Variants in FGF18 observed in about 807,000 individuals in gnomAD.
FGF18 encodes the protein fibroblast growth factor 18.
In FGF18, 5 loss-of-function variants were observed where a neutral mutation model predicts 23.0. The ratio of observed to expected loss-of-function variants is 0.22; its 90% confidence interval spans 0.11 to 0.46. FGF18 has a LOEUF of 0.46. FGF18 is among the 20% of genes least tolerant of loss of function. The probability of loss-of-function intolerance (pLI) is 0.99; values close to 1 mark genes in which losing one functional copy is unlikely to be tolerated. For synonymous variants in FGF18, 117 were observed against 118.9 expected (o/e 0.98, Z 0.10); for missense variants, 180 against 291.6 (o/e 0.62, Z 2.79).
chr5:171,440,825 C>T lies in FGF18; in HGVS notation c.250+4552C>T, dbSNP rs139752165. Among the ~76,000 whole-genome samples, 35 of 152,276 alleles carry T rather than the reference C, an allele frequency of 2.3e-4. No individual in the cohort carries two copies. The highest frequency in any genetic ancestry group is 7.0e-4 in the African/African-American group (29 of 41,562). ...CTGAGCCCCCAGGCTGGGTACAGAG[C>T]CCCAGAGCCCCTGTGCTTGCCCTTG... On this transcript the variant is annotated intron_variant, in intron 3 of 4. Transcript: ENST00000274625. The surrounding 1 kb of genome is among the most constrained non-coding windows in gnomAD (Gnocchi z 4.0).
chr5:171,428,924 G>T (rs945485370), intron 2 of FGF18, among the ~76,000 whole-genome samples: 1 of 152,168 alleles, frequency 6.6e-6, no homozygotes, highest in Admixed American at 6.5e-5. Flanking sequence ...GAGGGAGGCC[G>T]ACCCTCGGGC....
At chr5:171,437,796 T>C (rs1772274179) in intron 3 of FGF18, among the ~76,000 whole-genome samples, 1 of 152,174 alleles carries the variant, frequency 6.6e-6, no homozygotes, top group Non-Finnish European at 1.5e-5. Flanking sequence ...GGTGCCCTTC[T>C]GGGGAGTCCC....
chr5:171,420,355 T>C, intron 1 of FGF18, 52 bp from the exon 2 acceptor site: 2 of 1,610,394 alleles, frequency 1.2e-6, no homozygotes. Context: ...TGTCTGTCCG[T>C]GCGCCCCCTT....
At chr5:171,446,334 G>A (rs901301798) in intron 3 of FGF18, among the ~76,000 whole-genome samples, 6 of 152,168 alleles carry the variant, frequency 3.9e-5, no homozygotes, top group Non-Finnish European at 5.9e-5. Flanking sequence ...TGAGGGGTGG[G>A]GGTTGTGCTG....
chr5:171,420,143 C>T lies in FGF18; in HGVS notation c.-57C>T, dbSNP rs1410073373. 4.4e-6 allele frequency: 6 copies of T among 1,369,876 alleles called. No homozygotes were observed. The highest frequency in any genetic ancestry group is 1.8e-5 in the South Asian group (1 of 54,822). The allele number at this position is 1,369,876 out of a possible 1,614,324, so 84.9% of individuals were successfully genotyped here. A position where few individuals can be genotyped will look rare whatever the true frequency, so the allele number is the denominator to read the frequency against. ...CGGCGGAGGCGCCCGGTCCCGGCCGCGCGGAGCGGACATGTGCAGGCTGGG... is the reference window on the plus strand; with the variant it reads ...CGGCGGAGGCGCCCGGTCCCGGCCGTGCGGAGCGGACATGTGCAGGCTGGG... On this transcript the variant is annotated 5_prime_UTR_variant, in exon 1 of 5. Coordinates refer to ENST00000274625, the MANE Select transcript of FGF18 (RefSeq NM_003862.3).
Position 171,436,169 on chromosome 5 carries a change from G to A in FGF18, c.146G>A (p.Arg49His), listed in dbSNP as rs138337537. 165 of 1,607,528 alleles carry A rather than the reference G, an allele frequency of 1.0e-4. No individual in the cohort carries two copies. The highest frequency in any genetic ancestry group is 1.3e-4 in the Non-Finnish European group (154 of 1,176,054). ...ACGCGGGCTCGGGACGATGTGAGCC[G>A]TAAGCAGCTGCGGCTGTACCAGCTC... Reference protein sequence around the residue: ...NQTRARDDVSRKQLRLYQLYS... With the variant: ...NQTRARDDVSHKQLRLYQLYS... Residue 49 changes from arginine to histidine, a missense_variant, in exon 3 of 5, where the codon CGT becomes CAT. By Grantham distance (29) the Arg-to-His change is conservative. Transcript: ENST00000274625. The surrounding 1 kb of genome is among the most constrained non-coding windows in gnomAD (Gnocchi z 4.4).
In FGF18 at chr5:171,436,899, T is replaced by C. The variant is rs1772255194; in HGVS notation, c.250+626T>C. Among the ~76,000 whole-genome samples, 1 of 152,170 alleles carries C rather than the reference T, an allele frequency of 6.6e-6. No homozygotes were observed. The highest frequency in any genetic ancestry group is 1.5e-5 in the Non-Finnish European group (1 of 68,022). Reference sequence around the variant, plus strand: ...GGAGTGAGACATCCCAAGCCCCTGGTCCACAAAGGTGCTCAGCAGTGAGTG... The same window carrying C: ...GGAGTGAGACATCCCAAGCCCCTGGCCCACAAAGGTGCTCAGCAGTGAGTG... On this transcript the variant is annotated intron_variant, in intron 3 of 4. Coordinates refer to ENST00000274625, the MANE Select transcript of FGF18 (RefSeq NM_003862.3). The surrounding 1 kb of genome is among the most constrained non-coding windows in gnomAD (Gnocchi z 4.4).
chr5:171,452,853 G>A (rs1030617602), intron 4 of FGF18, among the ~76,000 whole-genome samples: 1 of 152,072 alleles, frequency 6.6e-6, no homozygotes, highest in African/African-American at 2.4e-5. Context: ...AAGGGAATAC[G>A]GGGCTTATAT....
intron 3 of FGF18, among the ~76,000 whole-genome samples, chr5:171,442,923 G>A (rs954877944): frequency 1.2e-4 from 18 of 152,198 alleles, no homozygotes; most frequent in Non-Finnish European, 2.9e-5. Flanking sequence ...GTCTGCCTGC[G>A]TACCTTGGTC....
intron 3 of FGF18, among the ~76,000 whole-genome samples, chr5:171,446,299 G>A (rs983745496): frequency 6.6e-6 from 1 of 152,088 alleles, no homozygotes; most frequent in Non-Finnish European, 1.5e-5. Context: ...CAAAGGCCAG[G>A]GCTTCCTGCG....
intron 3 of FGF18, among the ~76,000 whole-genome samples, chr5:171,448,874 G>A (rs540737704): frequency 1.3e-4 from 20 of 152,224 alleles, no homozygotes; most frequent in African/African-American, 4.8e-4. Context: ...GGAGCCATCT[G>A]GATCCCAAGT....
intron 3 of FGF18, among the ~76,000 whole-genome samples, chr5:171,439,851 C>T (rs1182206507): frequency 1.3e-5 from 2 of 152,066 alleles, no homozygotes; most frequent in Non-Finnish European, 2.9e-5. Flanking sequence ...ATTGGATATT[C>T]CTGCCTGATT....
At chr5:171,453,720 A>G (rs1281265053) in intron 4 of FGF18, among the ~76,000 whole-genome samples, 1 of 152,204 alleles carries the variant, frequency 6.6e-6, no homozygotes, top group Admixed American at 6.5e-5. Context: ...GTAGTTGGCA[A>G]TCAATAAATG....
At chr5:171,444,590 C>T (rs1427207630) in intron 3 of FGF18, among the ~76,000 whole-genome samples, 1 of 147,108 alleles carries the variant, frequency 6.8e-6, no homozygotes, top group Non-Finnish European at 1.5e-5. Flanking sequence ...TTCGCTGTGT[C>T]ACTGAGGCTG....
intron 2 of FGF18, among the ~76,000 whole-genome samples, chr5:171,425,281 T>TC (rs1772073357): frequency 6.6e-6 from 1 of 152,216 alleles, no homozygotes. Flanking sequence ...TCTCACTCTG[T>TC]TGCCCAGGCT....
rs376482568 is a variant in FGF18, at chr5:171,445,604, G to T, written c.251-3543G>T. On this transcript the variant is annotated intron_variant, in intron 3 of 4. Coordinates refer to ENST00000274625, the MANE Select transcript of FGF18 (RefSeq NM_003862.3). ...TGGTGTCGAACTCCTGACCTCAGGT[G>T]ATCCACCCGCCTTGGCCTCCCAAAG... Among the ~76,000 whole-genome samples, 185 of 151,304 alleles carry T rather than the reference G, an allele frequency of 1.2e-3. 1 individual carries two copies. Among genetic ancestry groups the T allele is most frequent in the African/African-American group, 4.4e-3 (178 of 40,716 alleles).
In FGF18 at chr5:171,457,504, CTATATTATA is replaced by C. The variant is rs1187413919; in HGVS notation, c.*714_*722del. On this transcript the variant is annotated 3_prime_UTR_variant, in exon 5 of 5. Coordinates refer to ENST00000274625, the MANE Select transcript of FGF18 (RefSeq NM_003862.3). Reference sequence around the variant, plus strand: ...TGATAAGGGAATATTTTAAAACCAGCTATATTATATATATTATATATATATAAGCTATTT... The same window carrying C: ...TGATAAGGGAATATTTTAAAACCAGCTATATTATATATATATAAGCTATTT... 5 of 151,574 alleles carry C rather than the reference CTATATTATA, an allele frequency of 3.3e-5. No homozygotes were observed. The highest frequency in any genetic ancestry group is 6.6e-5 in the Admixed American group (1 of 15,214). 9.4% of individuals were successfully genotyped at this position (151,574 alleles called of 1,614,324 possible). A position where few individuals can be genotyped will look rare whatever the true frequency, so the allele number is the denominator to read the frequency against.
intron 3 of FGF18, among the ~76,000 whole-genome samples, chr5:171,443,150 G>C (rs1185605676): frequency 8.4e-6 from 1 of 119,134 alleles, no homozygotes; most frequent in Non-Finnish European, 1.8e-5. Context: ...TTTTTTTTTA[G>C]ATGGAGTCTC....
intron 3 of FGF18, among the ~76,000 whole-genome samples, chr5:171,437,025 G>A (rs528245657): frequency 4.8e-4 from 73 of 152,324 alleles, no homozygotes; most frequent in African/African-American, 1.7e-3. Flanking sequence ...TTGCCAGGCC[G>A]GAAAAGCGGA....
Sources: allele counts gnomAD v4.1 joint callset (sites outside exome capture counted in the v4.1 genomes callset), GRCh38; gene constraint gnomAD v4.1.1; non-coding constraint Gnocchi (gnomAD v3.1); transcripts MANE v1.5; gene names NCBI Gene and HGNC (gene_info 2026-07-23, HGNC 2026-07-21).